RESF1: variants seen among roughly 807,000 people sequenced by gnomAD.
RESF1 encodes the protein retroelement silencing factor 1, also known as gonad expressed transcript.
RESF1 carries 65 observed loss-of-function variants against 134.7 expected under a neutral mutation model. The observed-to-expected ratio is 0.48, with a 90% CI of 0.40 to 0.59. The LOEUF is 0.59. Among genes scored for constraint, RESF1 ranks in the 20% least tolerant of loss-of-function variants. RESF1 has a pLI of 0.00. For missense variants in RESF1, 2,274 were observed against 2,002.7 expected (o/e 1.14, Z -2.59); for synonymous variants, 762 against 702.2 (o/e 1.09, Z -1.35).
rs1939858918 is a variant in RESF1, at chr12:31,983,348, G to A, written c.2393G>A (p.Cys798Tyr). The change falls in exon 4 of 6, where the codon TGT (cysteine) becomes TAT (tyrosine). Residue 798 changes from cysteine to tyrosine, a missense_variant. Coordinates refer to ENST00000312561, the MANE Select transcript of RESF1 (RefSeq NM_018169.4). ...VYPVIKEGSV[C>Y]SLQNQLAENA... ...CCCGTTATTAAAGAAGGCAGTGTTT[G>A]TAGTTTACAAAATCAATTGGCAGAA... 6.2e-7 allele frequency: 1 copy of A among 1,614,042 alleles called. No homozygotes were observed. Among genetic ancestry groups the A allele is most frequent in the Non-Finnish European group, 8.5e-7 (1 of 1,180,012 alleles).
intron 2 of RESF1, among the ~76,000 whole-genome samples, chr12:31,962,071 CTAATAA>C (rs1186026406): frequency 5.3e-5 from 8 of 152,092 alleles, no homozygotes; most frequent in Non-Finnish European, 2.9e-5. Context: ...CCCATCTTTA[CTAATAA>C]TAACAAAAAT....
At chr12:31,972,418 A>G (rs1939530425) in intron 3 of RESF1, among the ~76,000 whole-genome samples, 1 of 151,952 alleles carries the variant, frequency 6.6e-6, no homozygotes, top group Non-Finnish European at 1.5e-5. Context: ...CATCCTGGCT[A>G]ACATGGTGAA....
intron 2 of RESF1, among the ~76,000 whole-genome samples, chr12:31,966,054 A>G (rs1382095964): frequency 6.6e-6 from 1 of 152,208 alleles, no homozygotes; most frequent in African/African-American, 2.4e-5. Context: ...GACCTCTAGT[A>G]CACGGTGTGT....
chr12:31,990,183 A>G (rs926538226), intron 5 of RESF1, among the ~76,000 whole-genome samples: 2 of 152,242 alleles, frequency 1.3e-5, no homozygotes, highest in African/African-American at 2.4e-5. Context: ...CAGAGGCTTC[A>G]GAGATAGGCA....
chr12:31,963,891 T>A (rs1449079738), intron 2 of RESF1, among the ~76,000 whole-genome samples: 1 of 152,228 alleles, frequency 6.6e-6, no homozygotes, highest in South Asian at 2.1e-4. Flanking sequence ...TTACCAGATA[T>A]TCCGTTGTAT....
chr12:31,966,502 G>A (rs1294472456), intron 2 of RESF1, among the ~76,000 whole-genome samples: 3 of 152,240 alleles, frequency 2.0e-5, no homozygotes, highest in Non-Finnish European at 4.4e-5. Context: ...CCTGAATGAT[G>A]ATAGTCTGTT....
chr12:31,959,483 C>G lies in RESF1; in HGVS notation c.-350C>G, dbSNP rs1345176819. 6.6e-6 allele frequency: 1 copy of G among 152,302 alleles called. No homozygotes were observed. Among genetic ancestry groups the G allele is most frequent in the Non-Finnish European group, 1.5e-5 (1 of 68,098 alleles). 9.4% of individuals were successfully genotyped at this position (152,302 alleles called of 1,614,324 possible). On this transcript the variant is annotated 5_prime_UTR_variant, in exon 1 of 6. Transcript: ENST00000312561. ...CCCGCTTGCCGGGGTGGTCCTCTTC[C>G]CTTTGTCGGTAAGTGTGAGACGAGC...
At position 31,981,391 on chromosome 12, in the gene RESF1, GTACCCAATA is replaced by G; in HGVS notation, c.438_446del (p.Asn148_Pro150del). On this transcript the variant is annotated inframe_deletion, in exon 4 of 6. Coordinates refer to ENST00000312561, the MANE Select transcript of RESF1 (RefSeq NM_018169.4). ...TCATCAAACTGATTTTGGAGCTAAC[GTACCCAATA>G]TGCCGGCACTACAGAGTCAACTGAT... The G allele has an allele frequency of 6.2e-7, 1 of 1,613,966 alleles. No homozygotes were observed. The highest frequency in any genetic ancestry group is 8.5e-7 in the Non-Finnish European group (1 of 1,179,936).
Position 31,981,299 on chromosome 12 carries a change from C to T in RESF1, c.344C>T (p.Thr115Ile), listed in dbSNP as rs796775560. ...THNLQMSSGV[T>I]QNVWLNSPMR... is the part of the protein sequence containing the mutation. ...AATTTGCAGATGTCTTCAGGAGTTA[C>T]CCAAAACGTATGGTTGAACTCACCA... The change falls in exon 4 of 6, where the codon ACC becomes ATC. Residue 115 changes from threonine (T) to isoleucine (I), a missense_variant. Physicochemically the swap from Thr to Ile is moderately conservative, Grantham distance 89 (BLOSUM62 -1). Transcript: ENST00000312561. The T allele has an allele frequency of 1.2e-6, 2 of 1,613,924 alleles. No homozygotes were observed. The highest frequency in any genetic ancestry group is 1.7e-6 in the Non-Finnish European group (2 of 1,179,978).
rs1386569519 is a variant in RESF1, at chr12:31,984,637, G to A, written c.3682G>A (p.Val1228Ile). The change falls in exon 4 of 6, where the codon GTT (valine) becomes ATT (isoleucine). Residue 1228 changes from valine (V) to isoleucine (I), a missense_variant. Coordinates refer to ENST00000312561, the MANE Select transcript of RESF1 (RefSeq NM_018169.4). ...GERTSDRDVT[V>I]VQFKSLVNNP... ...GAGAACTTCTGATAGAGATGTCACTGTTGTTCAATTTAAGAGCCTTGTAAA... is the reference window on the plus strand; with the variant it reads ...GAGAACTTCTGATAGAGATGTCACTATTGTTCAATTTAAGAGCCTTGTAAA... 1.3e-6 allele frequency: 2 copies of A among 1,575,998 alleles called. No homozygotes were observed. The highest frequency in any genetic ancestry group is 2.0e-5 in the Admixed American group (1 of 49,814).
Position 31,985,124 on chromosome 12 carries a change from A to G in RESF1, c.4169A>G (p.Lys1390Arg), listed in dbSNP as rs533623083. 1.0e-5 allele frequency: 16 copies of G among 1,548,424 alleles called. No individual in the cohort carries two copies. The East Asian group carries it at 3.4e-4, about 33-fold the overall frequency. ...GNVLDMEVKK[K>R]KHDKQEQKGS... ...GTATTAGATATGGAAGTAAAGAAAA[A>G]GAAACATGATAAACAAGAACAGAAA... Residue 1390 changes from lysine to arginine, a missense_variant, in exon 4 of 6, where the codon AAG becomes AGG. Physicochemically the swap from Lys to Arg is conservative, Grantham distance 26. Coordinates refer to ENST00000312561, the MANE Select transcript of RESF1 (RefSeq NM_018169.4).
rs768550960 is a variant in RESF1, at chr12:31,981,642, T to C, written c.687T>C (p.Ser229=). The part of the protein sequence containing the change: ...RYSPQSFLPD[S]TIQKQNFIPH... ...CACCACAAAGCTTTTTACCAGATTC[T>C]ACCATTCAAAAACAAAACTTTATAC... Residue 229 remains serine (S), a synonymous_variant, in exon 4 of 6, where the codon TCT becomes TCC. Coordinates refer to ENST00000312561, the MANE Select transcript of RESF1 (RefSeq NM_018169.4). The C allele has an allele frequency of 6.2e-7, 1 of 1,614,068 alleles. No individual in the cohort carries two copies. The highest frequency in any genetic ancestry group is 8.5e-7 in the Non-Finnish European group (1 of 1,180,014).
In RESF1 at chr12:31,983,488, A is replaced by C. The variant is rs1004425105; in HGVS notation, c.2533A>C (p.Asn845His). 1.9e-6 allele frequency: 3 copies of C among 1,614,078 alleles called. No individual in the cohort carries two copies. The highest frequency in any genetic ancestry group is 2.5e-6 in the Non-Finnish European group (3 of 1,180,008). Residue 845 changes from asparagine to histidine, a missense_variant, in exon 4 of 6, where the codon AAT (asparagine) becomes CAT (histidine). By Grantham distance (68) the Asn-to-His change is moderately conservative. Transcript: ENST00000312561. The part of the protein sequence containing the change: ...TQKEKQNEST[N>H]GNSEVTPNVN... ...GAAGGAAAAGCAGAATGAGTCAACT[A>C]ATGGTAATTCAGAAGTCACACCTAA...
chr12:31,963,161 C>T (rs976344687), intron 2 of RESF1, among the ~76,000 whole-genome samples: 6 of 151,982 alleles, frequency 3.9e-5, no homozygotes, highest in East Asian at 1.9e-4. Context: ...GTCAGGAAAT[C>T]GAGACCACCC....
Position 31,982,165 on chromosome 12 carries a change from A to C in RESF1, c.1210A>C (p.Lys404Gln). ...GGATATTAAAACATTAGTAGAGATA[A>C]AACAGAAGTTTTCAGAACTTGCAAG... Reference protein sequence around the residue: ...VRDIKTLVEIKQKFSELARKI... With the variant: ...VRDIKTLVEIQQKFSELARKI... Residue 404 changes from lysine to glutamine, a missense_variant, in exon 4 of 6, where the codon AAA becomes CAA. Lys to Gln is a moderately conservative substitution (Grantham distance 53, BLOSUM62 1). Transcript: ENST00000312561. The C allele has an allele frequency of 6.2e-7, 1 of 1,612,554 alleles. No individual in the cohort carries two copies. The highest frequency in any genetic ancestry group is 8.5e-7 in the Non-Finnish European group (1 of 1,179,630).
intron 3 of RESF1, among the ~76,000 whole-genome samples, chr12:31,972,602 T>A (rs969219298): frequency 3.7e-5 from 3 of 81,146 alleles, no homozygotes; most frequent in African/African-American, 5.5e-5. Context: ...TGAGACTCCG[T>A]CTCAAAAAAA....
intron 2 of RESF1, among the ~76,000 whole-genome samples, chr12:31,966,102 A>G (rs1305539090): frequency 6.6e-6 from 1 of 152,132 alleles, no homozygotes; most frequent in African/African-American, 2.4e-5. Flanking sequence ...TTGGAAGAAG[A>G]ATTGTCTTGG....
chr12:31,967,447 T>TA (rs1939421170), intron 2 of RESF1, among the ~76,000 whole-genome samples: 1 of 152,252 alleles, frequency 6.6e-6, no homozygotes, highest in African/African-American at 2.4e-5. Context: ...ACGATGGAGT[T>TA]ACATTTCGAT....
In RESF1 at chr12:31,981,759, G is replaced by T. The variant is rs749698684; in HGVS notation, c.804G>T (p.Gln268His). The part of the protein sequence containing the change: ...SRQTSAVPSQ[Q>H]YATQTDKRPP... ...AGACCTCAGCTGTACCATCACAGCA[G>T]TATGCCACGCAAACTGACAAAAGAC... The change falls in exon 4 of 6, where the codon CAG becomes CAT. Residue 268 changes from glutamine (Q) to histidine (H), a missense_variant. Physicochemically the swap from Gln to His is conservative, Grantham distance 24. Transcript: ENST00000312561. 2.5e-6 allele frequency: 4 copies of T among 1,613,830 alleles called. No homozygotes were observed. The South Asian group carries it at 3.3e-5, about 13-fold the overall frequency.
Sources: gnomAD v4.1 joint callset for allele counts (sites outside exome capture counted in the v4.1 genomes callset) on GRCh38, gnomAD v4.1.1 for gene constraint, MANE v1.5 for transcripts, NCBI Gene and HGNC (gene_info 2026-07-23, HGNC 2026-07-21) for gene names.